Variants in MRTFA observed in about 807,000 individuals in gnomAD.
The protein encoded by MRTFA is myocardin-related transcription factor A.
A neutral mutation model predicts 83.5 loss-of-function variants in MRTFA; 20 were observed. That is an observed-to-expected ratio of 0.24 (90% CI 0.17 to 0.35). MRTFA has a LOEUF of 0.35. Among genes scored for constraint, MRTFA ranks in the 10% least tolerant of loss-of-function variants. The probability of loss-of-function intolerance (pLI) is 1.00; values close to 1 mark genes in which losing one functional copy is unlikely to be tolerated. For synonymous variants in MRTFA, 659 were observed against 541.2 expected (o/e 1.22, Z -3.02); for missense variants, 1,200 against 1,224.7 (o/e 0.98, Z 0.30).
intron 4 of MRTFA, among the ~76,000 whole-genome samples, chr22:40,457,918 C>G (rs2053626088): frequency 6.6e-6 from 1 of 152,162 alleles, no homozygotes; most frequent in African/African-American, 2.4e-5. Flanking sequence ...CCATGTTTTC[C>G]TTTGAAAGGT....
intron 2 of MRTFA, among the ~76,000 whole-genome samples, chr22:40,560,552 C>A (rs2055598516): frequency 6.6e-6 from 1 of 152,152 alleles, no homozygotes; most frequent in African/African-American, 2.4e-5. Flanking sequence ...TCCCCTTTAC[C>A]AATTCCTGAA....
chr22:40,602,828 C>T (rs2147398207), intron 1 of MRTFA, among the ~76,000 whole-genome samples: 1 of 152,224 alleles, frequency 6.6e-6, no homozygotes, highest in African/African-American at 2.4e-5. Context: ...GCCTGGGTGA[C>T]AGAGCGAGAC....
intron 3 of MRTFA, among the ~76,000 whole-genome samples, chr22:40,544,609 C>T (rs1371312091): frequency 6.6e-6 from 1 of 152,206 alleles, no homozygotes; most frequent in Non-Finnish European, 1.5e-5. Context: ...GTCTGCAATA[C>T]ACTTAAGCAA....
intron 1 of MRTFA, among the ~76,000 whole-genome samples, chr22:40,635,953 T>C (rs2056692682): frequency 1.3e-5 from 2 of 152,044 alleles, no homozygotes; most frequent in Non-Finnish European, 2.9e-5. Flanking sequence ...GACAGACGCT[T>C]TCTTAGGAGG....
intron 3 of MRTFA, among the ~76,000 whole-genome samples, chr22:40,511,954 T>C (rs2054674985): frequency 6.6e-6 from 1 of 152,242 alleles, no homozygotes; most frequent in Non-Finnish European, 1.5e-5. Context: ...AATATATTTA[T>C]TTTATGCTTA....
At chr22:40,601,905 A>G (rs1447061103) in intron 1 of MRTFA, among the ~76,000 whole-genome samples, 1 of 152,152 alleles carries the variant, frequency 6.6e-6, no homozygotes, top group Non-Finnish European at 1.5e-5. Flanking sequence ...AGGAAGAATA[A>G]CAAAAATATA....
intron 4 of MRTFA, among the ~76,000 whole-genome samples, chr22:40,461,670 G>A (rs545925725): frequency 6.6e-6 from 1 of 151,160 alleles, no homozygotes; most frequent in East Asian, 1.9e-4. Flanking sequence ...GCTGTGGTGG[G>A]CACCTGTAGT....
intron 3 of MRTFA, among the ~76,000 whole-genome samples, chr22:40,539,417 G>A (rs907006251): frequency 4.7e-5 from 7 of 148,038 alleles, no homozygotes; most frequent in Admixed American, 1.4e-4. Flanking sequence ...TCAGCTCACT[G>A]CAACCTCCAC....
At chr22:40,488,638 C>T (rs371356094) in intron 3 of MRTFA, among the ~76,000 whole-genome samples, 4 of 152,166 alleles carry the variant, frequency 2.6e-5, no homozygotes, top group Admixed American at 6.5e-5. Flanking sequence ...TCGAGACCAG[C>T]CTGGCTAACG....
chr22:40,452,940 T>G (rs535409953), intron 4 of MRTFA, among the ~76,000 whole-genome samples: 15 of 152,318 alleles, frequency 9.8e-5, no homozygotes, highest in African/African-American at 3.4e-4. Context: ...CAGAGTATTA[T>G]TTAAGGATTT....
chr22:40,467,506 A>T (rs1650541732), intron 3 of MRTFA, among the ~76,000 whole-genome samples: 1 of 152,152 alleles, frequency 6.6e-6, no homozygotes, highest in Non-Finnish European at 1.5e-5. Flanking sequence ...CCTTAGGATT[A>T]TTCATTTTAG....
intron 2 of MRTFA, among the ~76,000 whole-genome samples, chr22:40,570,773 C>T (rs1174691914): frequency 6.6e-6 from 1 of 151,536 alleles, no homozygotes; most frequent in Non-Finnish European, 1.5e-5. Context: ...TATTGCAGAG[C>T]ACCAAAGCAG....
intron 3 of MRTFA, among the ~76,000 whole-genome samples, chr22:40,538,306 C>T (rs1363304035): frequency 9.6e-6 from 1 of 104,142 alleles, no homozygotes; most frequent in Non-Finnish European, 2.0e-5. Context: ...GCTGTGTCCA[C>T]TCAGGGTTAA....
intron 1 of MRTFA, among the ~76,000 whole-genome samples, chr22:40,626,390 C>CAATT (rs934924654): frequency 2.0e-5 from 3 of 152,158 alleles, no homozygotes; most frequent in Non-Finnish European, 2.9e-5. Flanking sequence ...CAAGCTCAAG[C>CAATT]AATTCTCTCC....
intron 12 of MRTFA, 67 bp downstream of exon 12, chr22:40,418,307 G>A: frequency 1.9e-6 from 3 of 1,566,492 alleles, no homozygotes; most frequent in Non-Finnish European, 1.7e-6. Flanking sequence ...TGGCCCAAGA[G>A]GGCTGTAGCG....
At chr22:40,452,754 C>T (rs902459177) in intron 4 of MRTFA, among the ~76,000 whole-genome samples, 1 of 139,424 alleles carries the variant, frequency 7.2e-6, no homozygotes, top group African/African-American at 2.7e-5. Flanking sequence ...TTCAGTGAGC[C>T]AAGATTGCCC....
chr22:40,450,216 C>T (rs1377921977), intron 4 of MRTFA, among the ~76,000 whole-genome samples: 1 of 152,154 alleles, frequency 6.6e-6, no homozygotes, highest in Non-Finnish European at 1.5e-5. Context: ...TTAGACAACT[C>T]TGAGAGGATG....
chr22:40,488,443 G>A (rs563724248), intron 3 of MRTFA, among the ~76,000 whole-genome samples: 2 of 152,288 alleles, frequency 1.3e-5, no homozygotes, highest in South Asian at 2.1e-4. Context: ...ACATGTCCCA[G>A]CTACTTGGGG....
At chr22:40,554,893 A>G (rs1284927566) in intron 2 of MRTFA, among the ~76,000 whole-genome samples, 2 of 152,190 alleles carry the variant, frequency 1.3e-5, no homozygotes, top group South Asian at 2.1e-4. Flanking sequence ...CCCTCCCTTT[A>G]TATCAGTGTA....
Sources: gnomAD v4.1 joint callset for allele counts (sites outside exome capture counted in the v4.1 genomes callset) on GRCh38, gnomAD v4.1.1 for gene constraint, MANE v1.5 for transcripts, NCBI Gene and HGNC (gene_info 2026-07-23, HGNC 2026-07-21) for gene names.